The following OSBP2 variants were observed in gnomAD, a reference collection of about 807,000 sequenced individuals.
OSBP2 encodes the protein oxysterol-binding protein 2.
A neutral mutation model predicts 96.0 loss-of-function variants in OSBP2; 66 were observed. That is an observed-to-expected ratio of 0.69 (90% CI 0.56 to 0.84). OSBP2 has a LOEUF of 0.84. OSBP2 is among the 40% of genes least tolerant of loss of function. The pLI, the probability that OSBP2 is intolerant of heterozygous loss-of-function variation, is 0.00. For missense variants in OSBP2, 1,038 were observed against 1,222.7 expected, an observed-to-expected ratio of 0.85 and a Z score of 2.25; for synonymous variants, 525 against 520.9, an observed-to-expected ratio of 1.01 and a Z score of -0.11.
At chr22:30,698,574 A>G (rs1394207859) in intron 1 of OSBP2, among the ~76,000 whole-genome samples, 3 of 150,796 alleles carry the variant, frequency 2.0e-5, no homozygotes, top group African/African-American at 7.3e-5. Context: ...GAGTAGCTGG[A>G]ACTACAGGCG....
chr22:30,739,926 G>A (rs1309926723), intron 1 of OSBP2, among the ~76,000 whole-genome samples: 1 of 151,948 alleles, frequency 6.6e-6, no homozygotes, highest in Admixed American at 6.6e-5. Flanking sequence ...GGCAACCTCT[G>A]CCTCCCCGGT....
Position 30,695,063 on chromosome 22 carries a change from C to T in OSBP2, c.154C>T (p.Pro52Ser), listed in dbSNP as rs750765728. The T allele has an allele frequency of 6.3e-7, 1 of 1,575,670 alleles. No individual in the cohort carries two copies. Among genetic ancestry groups the T allele is most frequent in the South Asian group, 1.2e-5 (1 of 85,174 alleles). Residue 52 changes from proline (P) to serine (S), a missense_variant, in exon 1 of 14, where the codon CCC becomes TCC. Around this residue, in one of 3 missense-constraint regions of OSBP2, gnomAD observed 281 missense variants for 273.4 expected, o/e 1.03. Coordinates refer to ENST00000332585, the MANE Select transcript of OSBP2 (RefSeq NM_030758.4). The stretch of plus-strand genomic sequence containing the variant: ...GTCCGGCTCCGGGCCGGAGCCCAAG[C>T]CCCAGCCCCAGCCCGTGCCCGAACC... The part of the protein sequence containing the change: ...STSGSGPEPK[P>S]QPQPVPEPER...
At chr22:30,771,049 A>G (rs984757465) in intron 2 of OSBP2, among the ~76,000 whole-genome samples, 1 of 152,210 alleles carries the variant, frequency 6.6e-6, no homozygotes, top group Non-Finnish European at 1.5e-5. Context: ...AGGGGCCACC[A>G]AAGTATATAT....
intron 1 of OSBP2, among the ~76,000 whole-genome samples, chr22:30,698,353 A>G (rs530853263): frequency 1.3e-5 from 2 of 152,188 alleles, no homozygotes; most frequent in Admixed American, 1.3e-4. Flanking sequence ...CCTGCTGGGC[A>G]ATGTGGCTGG....
chr22:30,736,072 C>T (rs746058710), intron 1 of OSBP2, among the ~76,000 whole-genome samples: 14 of 152,016 alleles, frequency 9.2e-5, no homozygotes, highest in Admixed American at 2.0e-4. Context: ...CACCACCATG[C>T]CCAGCTAATT....
At position 30,766,325 on chromosome 22, in the gene OSBP2, C is replaced by T. The variant is rs553964469; in HGVS notation, c.853+24956C>T. ...GGAATGAACATTGAATGGTACCTGG[C>T]GGGACAGCCATGCCTCCTTGATCTC... On this transcript the variant is annotated intron_variant, in intron 2 of 13. Transcript: ENST00000332585. Among the ~76,000 whole-genome samples, 8 of 152,284 alleles carry T rather than the reference C, an allele frequency of 5.3e-5. No homozygotes were observed. The South Asian group carries it at 1.2e-3, about 24-fold the overall frequency.
chr22:30,697,634 G>A (rs1406239776), intron 1 of OSBP2, among the ~76,000 whole-genome samples: 1 of 152,180 alleles, frequency 6.6e-6, no homozygotes, highest in African/African-American at 2.4e-5. Context: ...AATTCTTACT[G>A]CTTGCTGATA....
chr22:30,847,610 C>G (rs974233205), intron 2 of OSBP2, among the ~76,000 whole-genome samples: 2 of 152,118 alleles, frequency 1.3e-5, no homozygotes, highest in African/African-American at 4.8e-5. Flanking sequence ...GACTTCTTCA[C>G]CAAAGCCTTC....
intron 2 of OSBP2, among the ~76,000 whole-genome samples, chr22:30,776,681 T>C (rs1039305038): frequency 1.3e-5 from 2 of 152,236 alleles, no homozygotes; most frequent in South Asian, 4.2e-4. Context: ...GTCAAGTGCA[T>C]GCTTCACATT....
intron 2 of OSBP2, among the ~76,000 whole-genome samples, chr22:30,752,850 C>T (rs1569109184): frequency 6.6e-6 from 1 of 152,140 alleles, no homozygotes; most frequent in African/African-American, 2.4e-5. Context: ...TGCTATTTGT[C>T]ATGTGATACT....
chr22:30,889,390 C>T (rs893022986), intron 6 of OSBP2, 100 bp from the exon 7 acceptor site: 56 of 1,484,852 alleles, frequency 3.8e-5, no homozygotes, highest in East Asian at 1.4e-4. Flanking sequence ...TACCAGTGGC[C>T]GGCTTGGTGC....
chr22:30,785,799 GT>G (rs1569123070), intron 2 of OSBP2, among the ~76,000 whole-genome samples: 1 of 152,080 alleles, frequency 6.6e-6, no homozygotes, highest in Non-Finnish European at 1.5e-5. Flanking sequence ...AGATCTGGTT[GT>G]TTGATAAGTG....
chr22:30,899,282 T>TG (rs1009672299), intron 12 of OSBP2, among the ~76,000 whole-genome samples: 7 of 151,832 alleles, frequency 4.6e-5, no homozygotes, highest in Admixed American at 2.0e-4. Flanking sequence ...AGTACACACC[T>TG]GTAGTCCCAG....
At chr22:30,740,692 C>T (rs1053343518) in intron 1 of OSBP2, among the ~76,000 whole-genome samples, 2 of 152,030 alleles carry the variant, frequency 1.3e-5, no homozygotes, top group South Asian at 2.1e-4. Context: ...AGGGTTTCAC[C>T]GTGTTGGCTC....
At position 30,870,496 on chromosome 22, in the gene OSBP2, G is replaced by T. The variant is rs541507557; in HGVS notation, c.921G>T (p.Lys307Asn). 3 of 1,613,956 alleles carry T rather than the reference G, an allele frequency of 1.9e-6. No homozygotes were observed. Among genetic ancestry groups the T allele is most frequent in the Non-Finnish European group, 2.5e-6 (3 of 1,180,044 alleles). ...ADKSELHHTL[K>N]NLSLKLDDLS... Reference sequence around the variant, plus strand: ...AGAGCGAGCTGCACCACACCCTGAAGAATCTTTCCCTGAAGTTAGATGACC... The same window carrying T: ...AGAGCGAGCTGCACCACACCCTGAATAATCTTTCCCTGAAGTTAGATGACC... Residue 307 changes from lysine to asparagine, a missense_variant, in exon 3 of 14, where the codon AAG (lysine) becomes AAT (asparagine). Around this residue, in one of 3 missense-constraint regions of OSBP2, gnomAD observed 737 missense variants for 913.3 expected, o/e 0.81. Coordinates refer to ENST00000332585, the MANE Select transcript of OSBP2 (RefSeq NM_030758.4). The surrounding 1 kb of genome is among the most constrained non-coding windows in gnomAD (Gnocchi z 4.1).
At chr22:30,861,069 C>T (rs891263507) in intron 2 of OSBP2, among the ~76,000 whole-genome samples, 2 of 152,180 alleles carry the variant, frequency 1.3e-5, no homozygotes, top group African/African-American at 4.8e-5. Flanking sequence ...CCCTGGTTCC[C>T]CCAGTGAAAG....
At chr22:30,767,282 C>A (rs190680175) in intron 2 of OSBP2, among the ~76,000 whole-genome samples, 1 of 151,858 alleles carries the variant, frequency 6.6e-6, no homozygotes, top group East Asian at 1.9e-4. Flanking sequence ...TGCACTCCAG[C>A]CTGGGCAACA....
chr22:30,872,908 C>T (rs375739642), intron 3 of OSBP2, among the ~76,000 whole-genome samples: 2 of 152,206 alleles, frequency 1.3e-5, no homozygotes, highest in Non-Finnish European at 2.9e-5. Flanking sequence ...TAGGCAAAGC[C>T]GGCCACTTGC....
Position 30,893,679 on chromosome 22 carries a change from G to C in OSBP2, c.2136G>C (p.Arg712=). ...TTGTGAACCATAAGACCAATGACCG[G>C]TGCCAGCTGAAGTTCCTGCCCTACA... The part of the protein sequence containing the change: ...IEIVNHKTND[R]CQLKFLPYSY... The change falls in exon 11 of 14, where the codon CGG becomes CGC. Residue 712 remains arginine, a synonymous_variant. Coordinates refer to ENST00000332585, the MANE Select transcript of OSBP2 (RefSeq NM_030758.4). 6.2e-7 allele frequency: 1 copy of C among 1,614,202 alleles called. No homozygotes were observed. The highest frequency in any genetic ancestry group is 1.6e-4 in the Middle Eastern group (1 of 6,062).
Sources: gnomAD v4.1 joint callset for allele counts (sites outside exome capture counted in the v4.1 genomes callset) on GRCh38, gnomAD v4.1.1 for gene constraint, gnomAD v4.1.1 regional missense constraint, Gnocchi (gnomAD v3.1) non-coding constraint, MANE v1.5 for transcripts, NCBI Gene and HGNC (gene_info 2026-07-23, HGNC 2026-07-21) for gene names.